The following PID1 variants were observed in gnomAD, a reference collection of about 807,000 sequenced individuals.
The protein encoded by PID1 is phosphotyrosine interaction domain containing 1.
A neutral mutation model predicts 19.1 loss-of-function variants in PID1; 10 were observed. That is an observed-to-expected ratio of 0.52 (90% CI 0.32 to 0.89). The LOEUF is 0.89. PID1 is among the 40% of genes least tolerant of loss of function. PID1 has a pLI of 0.03. For synonymous variants in PID1, 130 were observed against 116.0 expected (o/e 1.12, Z -0.78); for missense variants, 248 against 285.3 (o/e 0.87, Z 0.94).
chr2:229,224,670 A>T (rs1413168102), intron 1 of PID1, among the ~76,000 whole-genome samples: 1 of 152,174 alleles, frequency 6.6e-6, no homozygotes, highest in Non-Finnish European at 1.5e-5. Flanking sequence ...ATAGCGATCC[A>T]TAAGGTAAAA....
chr2:229,177,399 T>C (rs1690845844), intron 1 of PID1, among the ~76,000 whole-genome samples: 1 of 152,234 alleles, frequency 6.6e-6, no homozygotes, highest in Non-Finnish European at 1.5e-5. Flanking sequence ...GGCAAGAGCT[T>C]CAAAGTTAGC....
intron 1 of PID1, among the ~76,000 whole-genome samples, chr2:229,220,030 T>C (rs1275648523): frequency 6.6e-6 from 1 of 152,012 alleles, no homozygotes; most frequent in East Asian, 1.9e-4. Flanking sequence ...GGACTCTTTT[T>C]TTTTTTTGAA....
chr2:229,190,951 A>G (rs900125683), intron 1 of PID1, among the ~76,000 whole-genome samples: 8 of 152,224 alleles, frequency 5.3e-5, no homozygotes, highest in South Asian at 4.1e-4. Flanking sequence ...AGATAAAACA[A>G]CAGTATATAA....
chr2:229,163,077 T>C (rs1690521895), intron 1 of PID1, among the ~76,000 whole-genome samples: 1 of 152,186 alleles, frequency 6.6e-6, no homozygotes. Flanking sequence ...TTTTAAACTA[T>C]TTTTCTCTTA....
At position 229,086,203 on chromosome 2, in the gene PID1, A is replaced by G. The variant is rs554363678; in HGVS notation, c.178-60095T>C. On this transcript the variant is annotated intron_variant, in intron 2 of 2. Coordinates refer to ENST00000392055, the MANE Select transcript of PID1 (RefSeq NM_001100818.2). ...GCTCCTCAACTTATGATGCGGTTAC[A>G]TTCCAATAAACCCATTGAAAGGTGA... 3.9e-5 allele frequency among the ~76,000 whole-genome samples: 6 copies of G among 152,290 alleles called. No homozygotes were observed. In the South Asian group the frequency reaches 1.2e-3, roughly 32 times the overall value.
At chr2:229,061,618 G>C (rs148994987) in intron 2 of PID1, among the ~76,000 whole-genome samples, 1,518 of 151,698 alleles carry the variant, frequency 0.01, 27 homozygotes, top group African/African-American at 0.034. Flanking sequence ...TGAATTTTAG[G>C]ATTATATTTT....
chr2:229,039,891 G>A (rs1693734125), intron 2 of PID1, among the ~76,000 whole-genome samples: 1 of 151,882 alleles, frequency 6.6e-6, no homozygotes, highest in African/African-American at 2.4e-5. Context: ...TCATACCTAG[G>A]AATTTACAAT....
rs530225893 is a variant in PID1 at position 229,071,506 on chromosome 2, C to A, written c.178-45398G>T. ...CCTATGAGGTAGATACTGTTATTAT[C>A]CCAATTTACAAATAGAGGAAACAAA... On this transcript the variant is annotated intron_variant, in intron 2 of 2. Coordinates refer to ENST00000392055, the MANE Select transcript of PID1 (RefSeq NM_001100818.2). Among the ~76,000 whole-genome samples the A allele has an allele frequency of 2.2e-3, 328 of 152,284 alleles. 1 individual carries two copies. Among genetic ancestry groups the A allele is most frequent in the South Asian group, 0.013 (64 of 4,828 alleles).
intron 1 of PID1, among the ~76,000 whole-genome samples, chr2:229,198,372 A>G (rs1691422352): frequency 6.6e-6 from 1 of 152,066 alleles, no homozygotes; most frequent in African/African-American, 2.4e-5. Context: ...CTGGTACAGA[A>G]GGAGCTCTGT....
chr2:229,084,793 G>T (rs1016416717), intron 2 of PID1, among the ~76,000 whole-genome samples: 4 of 152,136 alleles, frequency 2.6e-5, no homozygotes, highest in African/African-American at 9.7e-5. Flanking sequence ...GAGAAACAAT[G>T]CACAGCATTC....
At chr2:229,199,745 T>TATACAC (rs1491155550) in intron 1 of PID1, among the ~76,000 whole-genome samples, 1 of 122,536 alleles carries the variant, frequency 8.2e-6, no homozygotes, top group East Asian at 2.3e-4. Context: ...TATATATATA[T>TATACAC]ACACATACAC....
At chr2:229,195,329 T>A (rs967191075) in intron 1 of PID1, among the ~76,000 whole-genome samples, 1 of 151,690 alleles carries the variant, frequency 6.6e-6, no homozygotes, top group Admixed American at 6.6e-5. Context: ...CATAGATAAA[T>A]GAAGTATATA....
At chr2:229,117,913 C>G (rs567807622) in intron 2 of PID1, among the ~76,000 whole-genome samples, 20 of 152,236 alleles carry the variant, frequency 1.3e-4, no homozygotes, top group African/African-American at 4.8e-4. Flanking sequence ...TGTAGGAGCT[C>G]ATGGTACCCT....
intron 2 of PID1, among the ~76,000 whole-genome samples, chr2:229,065,082 C>A (rs911254230): frequency 6.6e-6 from 1 of 152,144 alleles, no homozygotes; most frequent in South Asian, 2.1e-4. Flanking sequence ...TAACAGCTTG[C>A]ACAGATGAAC....
At chr2:229,255,831 T>C (rs1285690573) in intron 1 of PID1, among the ~76,000 whole-genome samples, 1 of 152,160 alleles carries the variant, frequency 6.6e-6, no homozygotes, top group Non-Finnish European at 1.5e-5. Flanking sequence ...TGCCTTGGTT[T>C]ACCCAGGAGA....
intron 2 of PID1, among the ~76,000 whole-genome samples, chr2:229,035,415 A>C (rs1693640522): frequency 1.3e-5 from 2 of 151,876 alleles, no homozygotes; most frequent in Non-Finnish European, 1.5e-5. Context: ...AATTATTTTA[A>C]AGATATGTCT....
At chr2:229,130,323 G>A (rs892442125) in intron 2 of PID1, among the ~76,000 whole-genome samples, 34 of 152,322 alleles carry the variant, frequency 2.2e-4, no homozygotes, top group South Asian at 2.1e-4. Flanking sequence ...AAGTCCCAGC[G>A]CTTCTCAGAG....
chr2:229,206,740 T>G (rs916667446), intron 1 of PID1, among the ~76,000 whole-genome samples: 3 of 152,228 alleles, frequency 2.0e-5, no homozygotes, highest in Admixed American at 2.0e-4. Context: ...CCAAGGCTCA[T>G]GCTCTGTCAA....
At chr2:229,092,612 T>C (rs911724608) in intron 2 of PID1, among the ~76,000 whole-genome samples, 3 of 152,284 alleles carry the variant, frequency 2.0e-5, no homozygotes, top group African/African-American at 4.8e-5. Flanking sequence ...CTCTGTCAAT[T>C]AACTAACAGT....
Sources: allele counts gnomAD v4.1 joint callset (sites outside exome capture counted in the v4.1 genomes callset), GRCh38; gene constraint gnomAD v4.1.1; transcripts MANE v1.5; gene names NCBI Gene and HGNC (gene_info 2026-07-23, HGNC 2026-07-21).